PLPP4: variants seen among roughly 807,000 people sequenced by gnomAD.
The protein encoded by PLPP4 is diacylglycerol pyrophosphate like 2.
A neutral mutation model predicts 32.2 loss-of-function variants in PLPP4; 20 were observed. The ratio of observed to expected loss-of-function variants is 0.62; its 90% CI spans 0.44 to 0.90. The LOEUF is 0.90. Ranked by LOEUF, PLPP4 falls within the 40% of genes least tolerant of loss-of-function variation. The pLI is 0.00. For missense variants in PLPP4, 257 were observed against 353.1 expected, an observed-to-expected ratio of 0.73 and a Z score of 2.18; for synonymous variants, 127 against 133.0, an observed-to-expected ratio of 0.95 and a Z score of 0.31.
At chr10:120,509,413 G>T (rs1243794158) in intron 2 of PLPP4, among the ~76,000 whole-genome samples, 1 of 152,026 alleles carries the variant, frequency 6.6e-6, no homozygotes, top group Non-Finnish European at 1.5e-5. Context: ...CCCAGCCTGT[G>T]GAATACATAC....
chr10:120,476,056 G>T (rs1415955558), intron 1 of PLPP4, among the ~76,000 whole-genome samples: 1 of 152,178 alleles, frequency 6.6e-6, no homozygotes, highest in Admixed American at 6.5e-5. Flanking sequence ...AATGGCATGT[G>T]CCTGCATCAC....
At chr10:120,538,594 A>G (rs2133955438) in intron 5 of PLPP4, among the ~76,000 whole-genome samples, 1 of 152,198 alleles carries the variant, frequency 6.6e-6, no homozygotes, top group South Asian at 2.1e-4. Flanking sequence ...CACCTGAGAG[A>G]AAACCCAGGC....
rs565817113 is a variant in PLPP4, at chr10:120,550,106, G to A, written c.446-25025G>A. On this transcript the variant is annotated intron_variant, in intron 5 of 6. Coordinates refer to ENST00000398250, the MANE Select transcript of PLPP4 (RefSeq NM_001030059.3). Reference sequence around the variant, plus strand: ...AGATCTACAAAATGTATTAGAATAAGTGAATTTTGCAAGATCATAGGATAC... The same window carrying A: ...AGATCTACAAAATGTATTAGAATAAATGAATTTTGCAAGATCATAGGATAC... 2.6e-3 allele frequency among the ~76,000 whole-genome samples: 391 copies of A among 152,050 alleles called. 1 individual carries two copies. Among genetic ancestry groups the A allele is most frequent in the African/African-American group, 9.0e-3 (373 of 41,568 alleles).
At chr10:120,581,337 A>G in intron 6 of PLPP4, 1 of 980,036 alleles carries the variant, frequency 1.0e-6, no homozygotes. Flanking sequence ...ACTCTGGTCT[A>G]GTGATCCTCA....
At chr10:120,531,034 A>T (rs1846684471) in intron 5 of PLPP4, among the ~76,000 whole-genome samples, 1 of 151,584 alleles carries the variant, frequency 6.6e-6, no homozygotes, top group African/African-American at 2.4e-5. Context: ...TCTTCTATCA[A>T]TAGAAGAAAG....
chr10:120,556,206 C>T (rs938771834), intron 5 of PLPP4, among the ~76,000 whole-genome samples: 2 of 152,172 alleles, frequency 1.3e-5, no homozygotes, highest in Non-Finnish European at 2.9e-5. Flanking sequence ...TCCTGCTGTT[C>T]ACGTGTTGCA....
chr10:120,545,418 A>G (rs1847570655), intron 5 of PLPP4, among the ~76,000 whole-genome samples: 2 of 152,210 alleles, frequency 1.3e-5, no homozygotes, highest in African/African-American at 2.4e-5. Context: ...ACTCATGGAC[A>G]TTCTTTCCTT....
intron 5 of PLPP4, among the ~76,000 whole-genome samples, chr10:120,530,322 G>GTT (rs998900959): frequency 4.2e-4 from 64 of 151,090 alleles, no homozygotes; most frequent in African/African-American, 1.5e-3. Context: ...ACTGTTCAGG[G>GTT]TTTTTTTTTG....
chr10:120,580,843 C>T (rs1589927674), intron 6 of PLPP4: 6 of 1,268,160 alleles, frequency 4.7e-6, no homozygotes, highest in East Asian at 5.6e-5. Flanking sequence ...CTGAAATTCT[C>T]CCTCTAATAT....
At chr10:120,494,425 G>A (rs181967680) in intron 1 of PLPP4, among the ~76,000 whole-genome samples, 46 of 152,324 alleles carry the variant, frequency 3.0e-4, no homozygotes, top group African/African-American at 9.9e-4. Context: ...AGAGCTGCCC[G>A]CAGAATCTGT....
chr10:120,505,398 A>T (rs1191569213), intron 2 of PLPP4, among the ~76,000 whole-genome samples: 3 of 152,174 alleles, frequency 2.0e-5, no homozygotes. Flanking sequence ...CGATAATGTC[A>T]CTTTTGGATG....
intron 6 of PLPP4, among the ~76,000 whole-genome samples, chr10:120,587,741 A>G (rs1168376111): frequency 6.6e-6 from 1 of 152,226 alleles, no homozygotes; most frequent in African/African-American, 2.4e-5. Context: ...TTTTCTTGAA[A>G]GATACATTTC....
chr10:120,566,543 C>CTT lies in PLPP4; in HGVS notation c.446-8574_446-8573dup, dbSNP rs35692314. Among the ~76,000 whole-genome samples the CTT allele has an allele frequency of 3.4e-3, 482 of 141,022 alleles. 4 individuals carry two copies. The highest frequency in any genetic ancestry group is 0.024 in the South Asian group (105 of 4,382). 92.5% of individuals were successfully genotyped at this position (141,022 alleles called of 152,430 possible). ...GGGCAGACTTCTTTTCCTACTTATT[C>CTT]TTTTTTTTTTTTTTTGTCAGACGGA... On this transcript the variant is annotated intron_variant, in intron 5 of 6. Coordinates refer to ENST00000398250, the MANE Select transcript of PLPP4 (RefSeq NM_001030059.3).
At chr10:120,557,407 A>G (rs1396021699) in intron 5 of PLPP4, among the ~76,000 whole-genome samples, 2 of 152,208 alleles carry the variant, frequency 1.3e-5, no homozygotes, top group East Asian at 1.9e-4. Context: ...AATCTGAGAA[A>G]TCAATCAAGT....
chr10:120,551,400 C>T (rs1847896869), intron 5 of PLPP4, among the ~76,000 whole-genome samples: 1 of 152,150 alleles, frequency 6.6e-6, no homozygotes, highest in Non-Finnish European at 1.5e-5. Context: ...GAAATAAAAA[C>T]ATACATTCAT....
chr10:120,531,157 C>T (rs1035114207), intron 5 of PLPP4, among the ~76,000 whole-genome samples: 2 of 145,386 alleles, frequency 1.4e-5, no homozygotes, highest in East Asian at 2.1e-4. Context: ...GGCACCATCT[C>T]GGCTCGCTGC....
At chr10:120,559,974 G>T (rs570810602) in intron 5 of PLPP4, among the ~76,000 whole-genome samples, 3 of 152,312 alleles carry the variant, frequency 2.0e-5, no homozygotes, top group Admixed American at 6.5e-5. Context: ...ACCTCCCATT[G>T]CTATTGTGTG....
At chr10:120,580,702 A>C in intron 6 of PLPP4, among the ~76,000 whole-genome samples, 1 of 149,702 alleles carries the variant, frequency 6.7e-6, no homozygotes, top group African/African-American at 2.5e-5. Flanking sequence ...ATACACTGTT[A>C]TAAGCAGGCC....
intron 4 of PLPP4, among the ~76,000 whole-genome samples, chr10:120,520,234 A>G (rs1436584583): frequency 6.6e-6 from 1 of 152,166 alleles, no homozygotes; most frequent in East Asian, 1.9e-4. Flanking sequence ...GTCCTAGACC[A>G]GAGAGGCCAA....
Sources: allele counts gnomAD v4.1 joint callset (sites outside exome capture counted in the v4.1 genomes callset), GRCh38; gene constraint gnomAD v4.1.1; transcripts MANE v1.5; gene names NCBI Gene and HGNC (gene_info 2026-07-23, HGNC 2026-07-21).